ZBTB16: variants seen among roughly 807,000 people sequenced by gnomAD.
ZBTB16 encodes the protein zinc finger and BTB domain containing 16.
Under a neutral mutation model 56.8 loss-of-function variants are expected in ZBTB16, and 8 were observed. That is an observed-to-expected ratio of 0.14 (90% CI 0.08 to 0.25). The LOEUF is 0.25. Ranked by LOEUF, ZBTB16 falls within the 10% of genes least tolerant of loss-of-function variation. The probability of loss-of-function intolerance (pLI) is 1.00; values close to 1 mark genes in which losing one functional copy is unlikely to be tolerated. For synonymous variants in ZBTB16, 363 were observed against 368.5 expected (o/e 0.98, Z 0.17); for missense variants, 625 against 903.0 (o/e 0.69, Z 3.95).
chr11:114,060,025 C>T lies in ZBTB16; in HGVS notation c.-91+143C>T, dbSNP rs1180060361. The T allele has an allele frequency of 7.8e-6, 3 of 382,528 alleles. No individual in the cohort carries two copies. Among genetic ancestry groups the T allele is most frequent in the Non-Finnish European group, 1.4e-5 (3 of 216,364 alleles). 23.7% of individuals were successfully genotyped at this position (382,528 alleles called of 1,614,324 possible). A position where few individuals can be genotyped will look rare whatever the true frequency, so the allele number is the denominator to read the frequency against. On this transcript the variant is annotated intron_variant, in intron 1 of 6. Transcript: ENST00000335953. The surrounding 1 kb of genome is among the most constrained non-coding windows in gnomAD (Gnocchi z 6.0). ...GTGCCTTTTTTATTTGGCGTGTTCC[C>T]TTCCTGCCGCTGCAGCCGTCGCCGC...
chr11:114,087,455 G>T (rs10891629), intron 2 of ZBTB16, among the ~76,000 whole-genome samples: 58,113 of 151,992 alleles, frequency 0.38, 11,416 homozygotes, highest in Admixed American at 0.46. Flanking sequence ...CTCTCGAATC[G>T]TCTCCTGTGT....
At chr11:114,136,577 A>G (rs1941802620) in intron 2 of ZBTB16, among the ~76,000 whole-genome samples, 1 of 152,086 alleles carries the variant, frequency 6.6e-6, no homozygotes, top group South Asian at 2.1e-4. Context: ...TGAGGTTCTT[A>G]CCTTCTATTA....
At chr11:114,174,538 G>T (rs745433497) in intron 3 of ZBTB16, among the ~76,000 whole-genome samples, 2 of 152,110 alleles carry the variant, frequency 1.3e-5, no homozygotes, top group Admixed American at 1.3e-4. Context: ...ACAATTAGCC[G>T]GGCGTGGTGG....
chr11:114,206,575 A>T (rs1943879608), intron 4 of ZBTB16, among the ~76,000 whole-genome samples: 1 of 152,238 alleles, frequency 6.6e-6, no homozygotes, highest in South Asian at 2.1e-4. Flanking sequence ...AGCAAGCCTG[A>T]TGCTGATGGC....
In ZBTB16 at chr11:114,143,697, C is replaced by G. The variant is rs1349724785; in HGVS notation, c.1269-12640C>G. On this transcript the variant is annotated intron_variant, in intron 2 of 6. Transcript: ENST00000335953. This position sits in a 1 kb window ranked among gnomAD's most constrained non-coding sequence, Gnocchi z 6.4. The stretch of plus-strand genomic sequence containing the variant: ...CATTGAGGCTCCAGCCTCTCTTCTC[C>G]TCCATGCCATGGACCGTCGCTGCAT... Among the ~76,000 whole-genome samples the G allele has an allele frequency of 6.6e-6, 1 of 152,226 alleles. No individual in the cohort carries two copies. Among genetic ancestry groups the G allele is most frequent in the Admixed American group, 6.5e-5 (1 of 15,284 alleles).
intron 5 of ZBTB16, among the ~76,000 whole-genome samples, chr11:114,242,712 C>A (rs1269607655): frequency 6.6e-6 from 1 of 152,056 alleles, no homozygotes; most frequent in East Asian, 1.9e-4. Context: ...AAAAACTGAC[C>A]TGCTGGGTCT....
intron 3 of ZBTB16, among the ~76,000 whole-genome samples, chr11:114,186,497 A>ATGAATGACGAACAGGAGCTCCAACT (rs1943363463): frequency 6.6e-6 from 1 of 152,112 alleles, no homozygotes; most frequent in Non-Finnish European, 1.5e-5. Flanking sequence ...CGATGAGTTT[A>ATGAATGACGAACAGGAGCTCCAACT]GTTTTGGACA....
chr11:114,247,239 C>A lies in ZBTB16; in HGVS notation c.1666C>A (p.Arg556=). 6.2e-7 allele frequency: 1 copy of A among 1,614,230 alleles called. No homozygotes were observed. Among genetic ancestry groups the A allele is most frequent in the Non-Finnish European group, 8.5e-7 (1 of 1,180,056 alleles). Residue 556 remains arginine, a synonymous_variant, in exon 6 of 7, where the codon CGG becomes AGG. Transcript: ENST00000335953. ...GTGTGAGTTCTGTGGCAGCTGCTTC[C>A]GGGATGAGAGCACACTCAAGAGCCA... The part of the protein sequence containing the change: ...YECEFCGSCF[R]DESTLKSHKR...
intron 2 of ZBTB16, among the ~76,000 whole-genome samples, chr11:114,071,970 A>C (rs1183187430): frequency 6.6e-6 from 1 of 152,242 alleles, no homozygotes; most frequent in Admixed American, 6.5e-5. Flanking sequence ...CAGAAATAAT[A>C]GTAGTACCTA....
intron 4 of ZBTB16, chr11:114,209,495 T>A (rs1163622977): frequency 1.0e-6 from 1 of 985,206 alleles, no homozygotes; most frequent in Non-Finnish European, 1.2e-6. Flanking sequence ...CCCCAGACCC[T>A]TCAGCTCCAG....
chr11:114,242,485 C>G, intron 5 of ZBTB16, 148 bp downstream of exon 5: 2 of 1,190,630 alleles, frequency 1.7e-6, no homozygotes, highest in Non-Finnish European at 2.4e-6. Flanking sequence ...GCCCGTCGTG[C>G]AGGTAAATGT....
intron 4 of ZBTB16, among the ~76,000 whole-genome samples, chr11:114,234,536 C>A (rs1434943675): frequency 6.6e-6 from 1 of 152,168 alleles, no homozygotes; most frequent in Non-Finnish European, 1.5e-5. Context: ...GCCAGGAGTA[C>A]AGTAGTGCAT....
chr11:114,075,255 G>A (rs1413781154), intron 2 of ZBTB16, among the ~76,000 whole-genome samples: 1 of 152,062 alleles, frequency 6.6e-6, no homozygotes, highest in Non-Finnish European at 1.5e-5. Context: ...GTGTGACCGT[G>A]GCAAGATTCC....
At chr11:114,080,960 GCC>G (rs1006579633) in intron 2 of ZBTB16, among the ~76,000 whole-genome samples, 6 of 152,202 alleles carry the variant, frequency 3.9e-5, no homozygotes, top group African/African-American at 1.2e-4. Context: ...GAGCTGAAGG[GCC>G]CTTGGAATCA....
chr11:114,199,169 C>T (rs1943673559), intron 4 of ZBTB16, among the ~76,000 whole-genome samples: 1 of 152,156 alleles, frequency 6.6e-6, no homozygotes, highest in East Asian at 1.9e-4. Flanking sequence ...ATGCTGGGCC[C>T]CGGGACGGGG....
chr11:114,076,087 A>G (rs1939553611), intron 2 of ZBTB16, among the ~76,000 whole-genome samples: 1 of 152,084 alleles, frequency 6.6e-6, no homozygotes, highest in Admixed American at 6.6e-5. Flanking sequence ...CCTGGTGACA[A>G]AGGAGTGAAC....
intron 4 of ZBTB16, 151 bp from the exon 5 acceptor site, chr11:114,242,016 A>T: frequency 9.9e-7 from 1 of 1,011,310 alleles, no homozygotes; most frequent in Non-Finnish European, 1.5e-6. Flanking sequence ...CTGGGTGCTC[A>T]GTGTTGCATA....
intron 2 of ZBTB16, among the ~76,000 whole-genome samples, chr11:114,073,081 G>C (rs774500853): frequency 7.0e-6 from 1 of 143,272 alleles, no homozygotes; most frequent in Non-Finnish European, 1.5e-5. Context: ...AAAAAGAGTT[G>C]TACCAGGATT....
chr11:114,141,692 G>A (rs1474234791), intron 2 of ZBTB16, among the ~76,000 whole-genome samples: 1 of 152,044 alleles, frequency 6.6e-6, no homozygotes, highest in African/African-American at 2.4e-5. Flanking sequence ...GACAGGGCTT[G>A]TGTCAGCCTA....
Sources: allele counts gnomAD v4.1 joint callset (sites outside exome capture counted in the v4.1 genomes callset), GRCh38; gene constraint gnomAD v4.1.1; non-coding constraint Gnocchi (gnomAD v3.1); transcripts MANE v1.5; gene names NCBI Gene and HGNC (gene_info 2026-07-23, HGNC 2026-07-21).